RILPL1: variants seen among roughly 807,000 people sequenced by gnomAD.
The protein encoded by RILPL1 is RILP-like protein 1.
A neutral mutation model predicts 50.3 loss-of-function variants in RILPL1; 33 were observed. That is an observed-to-expected ratio of 0.66 (90% CI 0.50 to 0.88). The LOEUF is 0.88. Among genes scored for constraint, RILPL1 ranks in the 40% least tolerant of loss-of-function variants. The probability of loss-of-function intolerance (pLI) is 0.00; values close to 1 mark genes in which losing one functional copy is unlikely to be tolerated. For missense variants in RILPL1, 418 were observed against 542.5 expected, an observed-to-expected ratio of 0.77 and a Z score of 2.28; for synonymous variants, 205 against 228.6, an observed-to-expected ratio of 0.90 and a Z score of 0.93.
In RILPL1 at chr12:123,470,135, TTATC is replaced by T. The variant is rs1324472825; in HGVS notation, c.*2399_*2402del. 2 of 152,170 alleles carry T rather than the reference TTATC, an allele frequency of 1.3e-5. No individual in the cohort carries two copies. Among genetic ancestry groups the T allele is most frequent in the Non-Finnish European group, 2.9e-5 (2 of 68,024 alleles). The allele number at this position is 152,170 out of a possible 1,614,324, so 9.4% of individuals were successfully genotyped here. A position where few individuals can be genotyped will look rare whatever the true frequency, so the allele number is the denominator to read the frequency against. ...GATTGATTTTTCCTTTCTGTCCCGA[TTATC>T]TAGCCTCTGATGTGCTCAAGAGCTG... On this transcript the variant is annotated 3_prime_UTR_variant, in exon 7 of 7. Transcript: ENST00000376874.
rs190104502 is a variant in RILPL1, at chr12:123,485,560, G to A, written c.974+73C>T. On this transcript the variant is annotated intron_variant, in intron 5 of 6. Coordinates refer to ENST00000376874, the MANE Select transcript of RILPL1 (RefSeq NM_178314.5). The surrounding 1 kb of genome is among the most constrained non-coding windows in gnomAD (Gnocchi z 4.0). ...ATGCTTGTCTTCCAGGGGGTAAGAA[G>A]GTAACTGTACAGAAACTCTGGCTAA... 131 of 1,405,294 alleles carry A rather than the reference G, an allele frequency of 9.3e-5. No homozygotes were observed. The African/African-American group carries it at 1.7e-3, about 18-fold the overall frequency. 87.1% of individuals were successfully genotyped at this position (1,405,294 alleles called of 1,614,324 possible).
intron 1 of RILPL1, among the ~76,000 whole-genome samples, 198 bp downstream of exon 1, chr12:123,532,976 A>T (rs1275186315): frequency 6.6e-6 from 1 of 152,104 alleles, no homozygotes; most frequent in African/African-American, 2.4e-5. Context: ...AACAGCTCTT[A>T]ATCTCTCGGG....
At chr12:123,504,754 A>G (rs1883626508) in intron 2 of RILPL1, among the ~76,000 whole-genome samples, 1 of 152,168 alleles carries the variant, frequency 6.6e-6, no homozygotes, top group Non-Finnish European at 1.5e-5. Flanking sequence ...TTTTACATAT[A>G]TGAAAAACTG....
rs776918844 is a variant in RILPL1, at chr12:123,475,725, C to T, written c.1068-3043G>A. ...TCATCTATTATCAGTCCCGCTGCTA[C>T]CATAGGCATTATGGCTGTAAAGATC... On this transcript the variant is annotated intron_variant, in intron 6 of 6. Transcript: ENST00000376874. 3.1e-6 allele frequency: 5 copies of T among 1,592,514 alleles called. No homozygotes were observed. In the African/African-American group the frequency reaches 5.4e-5, roughly 17 times the overall value.
At position 123,500,615 on chromosome 12, in the gene RILPL1, C is replaced by T. The variant is rs188682882; in HGVS notation, c.461-1079G>A. ...CATTCTTTTATCTGACGAAAGATGA[C>T]GCTGCACAGTGATTCAGGCTGGGCT... On this transcript the variant is annotated intron_variant, in intron 2 of 6. Transcript: ENST00000376874. Among the ~76,000 whole-genome samples the T allele has an allele frequency of 5.5e-4, 83 of 152,180 alleles. 2 individuals carry two copies. The highest frequency in any genetic ancestry group is 2.3e-3 in the East Asian group (12 of 5,166).
intron 2 of RILPL1, among the ~76,000 whole-genome samples, chr12:123,514,955 G>C (rs920455979): frequency 6.6e-6 from 1 of 151,414 alleles, no homozygotes; most frequent in African/African-American, 2.4e-5. Flanking sequence ...TTAAGAGACA[G>C]GGTCTTGCTC....
chr12:123,506,009 C>G (rs1415821392), intron 2 of RILPL1, among the ~76,000 whole-genome samples: 1 of 152,226 alleles, frequency 6.6e-6, no homozygotes, highest in Non-Finnish European at 1.5e-5. Context: ...AAACCTGATT[C>G]TGCTCTCACT....
rs11507744 is a variant in RILPL1, at chr12:123,471,298, C to G, written c.*1240G>C. 6.6e-6 allele frequency: 1 copy of G among 151,920 alleles called. No homozygotes were observed. Among genetic ancestry groups the G allele is most frequent in the South Asian group, 2.1e-4 (1 of 4,816 alleles). The allele number at this position is 151,920 out of a possible 1,614,324, so 9.4% of individuals were successfully genotyped here. On this transcript the variant is annotated 3_prime_UTR_variant, in exon 7 of 7. Transcript: ENST00000376874. ...TGTTGGCCAAGCTGGTCTCGAACTC[C>G]GGACCTCAAGTGACCCACCTGCCTC... is the stretch of plus-strand genomic sequence containing the variant.
At chr12:123,519,114 T>C (rs1233226743) in intron 2 of RILPL1, among the ~76,000 whole-genome samples, 1 of 151,902 alleles carries the variant, frequency 6.6e-6, no homozygotes, top group Admixed American at 6.6e-5. Flanking sequence ...TTTACTTTTT[T>C]GAATGTGCCA....
At chr12:123,511,562 G>GAGATCT in intron 2 of RILPL1, among the ~76,000 whole-genome samples, 1 of 131,428 alleles carries the variant, frequency 7.6e-6, no homozygotes, top group Non-Finnish European at 1.6e-5. Context: ...CTGTGTGTGT[G>GAGATCT]GTATGTGTGA....
At chr12:123,513,126 G>GT (rs1884476407) in intron 2 of RILPL1, among the ~76,000 whole-genome samples, 1 of 146,028 alleles carries the variant, frequency 6.8e-6, no homozygotes, top group African/African-American at 2.6e-5. Context: ...GTGTGTGTGT[G>GT]GTGTGTGAGG....
intron 1 of RILPL1, among the ~76,000 whole-genome samples, chr12:123,528,720 C>G (rs1373665046): frequency 6.6e-6 from 1 of 152,108 alleles, no homozygotes; most frequent in African/African-American, 2.4e-5. Context: ...GCCACCGCGC[C>G]CGACCAGTTT....
chr12:123,517,308 T>C (rs1884759254), intron 2 of RILPL1, among the ~76,000 whole-genome samples: 1 of 151,920 alleles, frequency 6.6e-6, no homozygotes, highest in African/African-American at 2.4e-5. Flanking sequence ...ACTATGAGAG[T>C]AAACTGTTTT....
rs191920053 is a variant in RILPL1, at chr12:123,470,666, C to T, written c.*1872G>A. On this transcript the variant is annotated 3_prime_UTR_variant, in exon 7 of 7. Coordinates refer to ENST00000376874, the MANE Select transcript of RILPL1 (RefSeq NM_178314.5). ...AGGTATGGTGGCACACACATGTAGT[C>T]CCAGCTACTTGGGAGGCTCAGGCAT... 1.6e-3 allele frequency: 241 copies of T among 151,658 alleles called. 2 individuals are homozygous for T. Among genetic ancestry groups the T allele is most frequent in the Middle Eastern group, 6.8e-3 (2 of 294 alleles). The allele number at this position is 151,658 out of a possible 1,614,324, so 9.4% of individuals were successfully genotyped here.
intron 2 of RILPL1, among the ~76,000 whole-genome samples, chr12:123,501,162 G>C (rs904715648): frequency 6.6e-6 from 1 of 151,858 alleles, no homozygotes; most frequent in South Asian, 2.1e-4. Context: ...AGATGGCCAC[G>C]CATCTTGGCT....
At chr12:123,492,946 G>A (rs1166885385) in intron 4 of RILPL1, among the ~76,000 whole-genome samples, 1 of 152,170 alleles carries the variant, frequency 6.6e-6, no homozygotes, top group Admixed American at 6.5e-5. Flanking sequence ...TATTGTCCAA[G>A]GTTTCTCCCC....
At chr12:123,473,768 GC>G (rs1004838928) in intron 6 of RILPL1, 1 of 151,334 alleles carries the variant, frequency 6.6e-6, no homozygotes, top group Non-Finnish European at 1.5e-5. Context: ...ACTTTCAGAT[GC>G]CTGAAAGATA....
intron 5 of RILPL1, chr12:123,484,991 G>T: frequency 2.6e-6 from 1 of 380,988 alleles, no homozygotes; most frequent in Non-Finnish European, 5.3e-6. Context: ...TATACAGTCA[G>T]TAAACCTTTC....
intron 2 of RILPL1, among the ~76,000 whole-genome samples, chr12:123,511,209 T>C: frequency 7.1e-6 from 1 of 141,152 alleles, no homozygotes; most frequent in Admixed American, 7.1e-5. Context: ...GAGGTCTGTA[T>C]GTGTGTGTGT....
Sources: allele counts gnomAD v4.1 joint callset (sites outside exome capture counted in the v4.1 genomes callset), GRCh38; gene constraint gnomAD v4.1.1; non-coding constraint Gnocchi (gnomAD v3.1); transcripts MANE v1.5; gene names NCBI Gene and HGNC (gene_info 2026-07-23, HGNC 2026-07-21).